ZC3H3: variants seen among roughly 807,000 people sequenced by gnomAD.
ZC3H3 encodes the protein zinc finger CCCH domain-containing protein 3.
Under a neutral mutation model 77.3 loss-of-function variants are expected in ZC3H3, and 36 were observed. The ratio of observed to expected loss-of-function variants is 0.47; its 90% confidence interval spans 0.36 to 0.61. The LOEUF (loss-of-function observed/expected upper bound fraction) is 0.61. Among genes scored for constraint, ZC3H3 ranks in the 20% least tolerant of loss-of-function variants. ZC3H3 has a pLI of 0.00. For synonymous variants in ZC3H3, 626 were observed against 555.2 expected, an observed-to-expected ratio of 1.13 and a Z score of -1.79; for missense variants, 1,331 against 1,312.2, an observed-to-expected ratio of 1.01 and a Z score of -0.22.
At chr8:143,468,722 C>A in intron 5 of ZC3H3, 63 bp from the exon 6 acceptor site, 1 of 1,512,620 alleles carries the variant, frequency 6.6e-7, no homozygotes, top group Non-Finnish European at 8.8e-7. Flanking sequence ...CCTTTCCCTG[C>A]TGACCCCCTT....
chr8:143,451,811 A>G (rs1207710825), intron 9 of ZC3H3, among the ~76,000 whole-genome samples: 1 of 152,008 alleles, frequency 6.6e-6, no homozygotes, highest in African/African-American at 2.4e-5. Flanking sequence ...AAAGAAAAGA[A>G]AAGAAAAAAG....
rs138625040 is a variant in ZC3H3 at position 143,460,343 on chromosome 8, A to G, written c.2307+5374T>C. On this transcript the variant is annotated intron_variant, in intron 9 of 11. Transcript: ENST00000262577. This position sits in a 1 kb window ranked among gnomAD's most constrained non-coding sequence, Gnocchi z 4.0. Reference sequence around the variant, plus strand: ...GTAAAATTATCTGTTTGCTGATGACATGATCTTATATGTAAGAAAACCCTA... The same window carrying G: ...GTAAAATTATCTGTTTGCTGATGACGTGATCTTATATGTAAGAAAACCCTA... Among the ~76,000 whole-genome samples the G allele has an allele frequency of 1.5e-4, 23 of 152,302 alleles. No individual in the cohort carries two copies. In the East Asian group the frequency reaches 3.5e-3, roughly 23 times the overall value.
At chr8:143,446,064 G>C (rs372186657) in intron 9 of ZC3H3, among the ~76,000 whole-genome samples, 1 of 152,152 alleles carries the variant, frequency 6.6e-6, no homozygotes, top group East Asian at 1.9e-4. Flanking sequence ...CAGACCTCAC[G>C]ACAGGAGGGA....
chr8:143,450,645 G>A (rs4874126), intron 9 of ZC3H3, among the ~76,000 whole-genome samples: 95,009 of 151,642 alleles, frequency 0.63, 30,031 homozygotes, highest in African/African-American at 0.66. Flanking sequence ...CAGGTCGAGA[G>A]AGGGGGCTGG....
intron 3 of ZC3H3, among the ~76,000 whole-genome samples, chr8:143,516,590 T>C (rs1363912098): frequency 2.2e-5 from 3 of 138,980 alleles, no homozygotes; most frequent in Admixed American, 6.9e-5. Flanking sequence ...CTCACTCTCA[T>C]GCACATGCTC....
chr8:143,477,073 G>A (rs190084990), intron 4 of ZC3H3, among the ~76,000 whole-genome samples: 210 of 152,228 alleles, frequency 1.4e-3, no homozygotes, highest in African/African-American at 4.9e-3. Flanking sequence ...CTTCTGTCGG[G>A]TTCCACCGCC....
chr8:143,457,249 G>A (rs1185754687), intron 9 of ZC3H3, among the ~76,000 whole-genome samples: 1 of 152,136 alleles, frequency 6.6e-6, no homozygotes, highest in South Asian at 2.1e-4. Context: ...AATCAATACA[G>A]ATCGAACTAG....
At chr8:143,524,637 C>T (rs1212968736) in intron 3 of ZC3H3, among the ~76,000 whole-genome samples, 1 of 152,274 alleles carries the variant, frequency 6.6e-6, no homozygotes, top group Non-Finnish European at 1.5e-5. Context: ...GAGACTGGCC[C>T]CTGTGAGCTT....
chr8:143,468,501 C>A lies in ZC3H3; in HGVS notation c.1986G>T (p.Ala662=). ...CCTTCCTCTTCTCCCTGCGCTGCCG[C>A]GCCTGCCGGATGATGGCCAGGCTGC... ...VQRSLAIIRQ[A]RQRREKRKEY... is the part of the protein sequence containing the mutation. The change falls in exon 7 of 12, where the codon GCG becomes GCT. Residue 662 remains alanine (A), a synonymous_variant. Transcript: ENST00000262577. The A allele has an allele frequency of 6.2e-7, 1 of 1,608,834 alleles. No individual in the cohort carries two copies.
intron 3 of ZC3H3, among the ~76,000 whole-genome samples, chr8:143,527,498 G>A (rs1304799878): frequency 1.3e-5 from 2 of 152,182 alleles, no homozygotes; most frequent in Non-Finnish European, 2.9e-5. Flanking sequence ...TCCCACGCCA[G>A]TTCTGTGAAG....
chr8:143,442,874 G>C (rs1338612175), intron 9 of ZC3H3, among the ~76,000 whole-genome samples: 1 of 152,208 alleles, frequency 6.6e-6, no homozygotes, highest in East Asian at 1.9e-4. Flanking sequence ...TTTTAAAGGT[G>C]GCTACTAGAA....
At chr8:143,476,656 C>T (rs984920842) in intron 4 of ZC3H3, among the ~76,000 whole-genome samples, 12 of 152,236 alleles carry the variant, frequency 7.9e-5, no homozygotes, top group African/African-American at 2.4e-4. Flanking sequence ...GAGGTGGATA[C>T]CACACCCCCA....
chr8:143,522,620 C>A (rs902514281), intron 3 of ZC3H3, among the ~76,000 whole-genome samples: 5 of 148,798 alleles, frequency 3.4e-5, no homozygotes, highest in African/African-American at 1.2e-4. Context: ...AAAAAACACA[C>A]ACACACAAAT....
In ZC3H3 at chr8:143,538,400, C is replaced by A. The variant is rs1822877636; in HGVS notation, c.967G>T (p.Val323Phe). ...WVAASSKSPR[V>F]ARRALSPRVA... ...CTGGGACTGAGGGCCCTCCGAGCAACCCGGGGACTCTTCGAGGAGGCAGCC... is the reference window on the plus strand; with the variant it reads ...CTGGGACTGAGGGCCCTCCGAGCAAACCGGGGACTCTTCGAGGAGGCAGCC... The change falls in exon 2 of 12, where the codon GTT becomes TTT. Residue 323 changes from valine (V) to phenylalanine (F), a missense_variant. By Grantham distance (50) the Val-to-Phe change is conservative (BLOSUM62 -1). Transcript: ENST00000262577. 2 of 1,613,240 alleles carry A rather than the reference C, an allele frequency of 1.2e-6. No individual in the cohort carries two copies. Among genetic ancestry groups the A allele is most frequent in the Non-Finnish European group, 1.7e-6 (2 of 1,180,038 alleles).
At position 143,507,853 on chromosome 8, in the gene ZC3H3, G is replaced by C. The variant is rs1309186668; in HGVS notation, c.1608C>G (p.Ile536Met). 6.2e-7 allele frequency: 1 copy of C among 1,610,090 alleles called. No homozygotes were observed. The highest frequency in any genetic ancestry group is 8.5e-7 in the Non-Finnish European group (1 of 1,178,326). The change falls in exon 4 of 12, where the codon ATC becomes ATG. Residue 536 changes from isoleucine (I) to methionine (M), a missense_variant. By Grantham distance (10) the Ile-to-Met change is conservative. Around this residue, in one of 3 missense-constraint regions of ZC3H3, gnomAD observed 978 missense variants for 915.5 expected, o/e 1.07. Transcript: ENST00000262577. ...TCTTGACAATGCGGTAGCGGGTCTT[G>C]ATCACCTTGCTGGTGGGTGCAGTCC... ...AVRTAPTSKV[I>M]KTRYRIVKKT...
At chr8:143,478,956 G>C (rs757187088) in intron 4 of ZC3H3, among the ~76,000 whole-genome samples, 1 of 152,216 alleles carries the variant, frequency 6.6e-6, no homozygotes, top group Non-Finnish European at 1.5e-5. Flanking sequence ...CCCCTGCTGA[G>C]CCGTCCCGGG....
intron 4 of ZC3H3, among the ~76,000 whole-genome samples, chr8:143,501,496 G>A (rs946768754): frequency 3.3e-5 from 5 of 152,198 alleles, no homozygotes; most frequent in Admixed American, 1.3e-4. Context: ...GAGCCACCAC[G>A]CCTGGCCACA....
At chr8:143,525,035 G>A (rs1472990219) in intron 3 of ZC3H3, among the ~76,000 whole-genome samples, 1 of 152,260 alleles carries the variant, frequency 6.6e-6, no homozygotes, top group Non-Finnish European at 1.5e-5. Flanking sequence ...CTAAACTTAC[G>A]GTCATCGTAT....
At chr8:143,444,211 T>A (rs2129796442) in intron 9 of ZC3H3, among the ~76,000 whole-genome samples, 1 of 152,244 alleles carries the variant, frequency 6.6e-6, no homozygotes, top group African/African-American at 2.4e-5. Context: ...CCTGACCTTG[T>A]GATCCACCCA....
Sources: allele counts gnomAD v4.1 joint callset (sites outside exome capture counted in the v4.1 genomes callset), GRCh38; gene constraint gnomAD v4.1.1; regional missense constraint gnomAD v4.1.1; non-coding constraint Gnocchi (gnomAD v3.1); transcripts MANE v1.5; gene names NCBI Gene and HGNC (gene_info 2026-07-23, HGNC 2026-07-21).